The following SH3BP4 variants were observed in gnomAD, a reference collection of about 807,000 sequenced individuals.
SH3BP4 encodes SH3 domain binding protein 4, also known as SH3 domain-binding protein 4.
In SH3BP4, 33 loss-of-function variants were observed where a neutral mutation model predicts 65.5. The observed-to-expected ratio is 0.50, with a 90% CI of 0.38 to 0.67. The LOEUF (loss-of-function observed/expected upper bound fraction) is 0.67. SH3BP4 is among the 30% of genes least tolerant of loss of function. The pLI is 0.00. For synonymous variants in SH3BP4, 552 were observed against 545.5 expected, an observed-to-expected ratio of 1.01 and a Z score of -0.17; for missense variants, 1,134 against 1,261.4, an observed-to-expected ratio of 0.90 and a Z score of 1.53.
intron 2 of SH3BP4, among the ~76,000 whole-genome samples, chr2:235,008,857 A>G (rs1694385010): frequency 6.6e-6 from 1 of 152,206 alleles, no homozygotes; most frequent in South Asian, 2.1e-4. Context: ...TTTGCTTTAA[A>G]AAAGAAAGCA....
chr2:234,990,292 C>T (rs1693708712), intron 1 of SH3BP4, among the ~76,000 whole-genome samples: 1 of 152,208 alleles, frequency 6.6e-6, no homozygotes, highest in Non-Finnish European at 1.5e-5. Context: ...CCCCAGTCAT[C>T]CAGCTGTCGG....
At chr2:235,037,551 G>C (rs1361678945) in intron 3 of SH3BP4, among the ~76,000 whole-genome samples, 1 of 152,176 alleles carries the variant, frequency 6.6e-6, no homozygotes, top group East Asian at 1.9e-4. Context: ...ATTCTTGATT[G>C]CTTTGGTTTC....
intron 2 of SH3BP4, among the ~76,000 whole-genome samples, chr2:235,014,416 G>A (rs1478966006): frequency 6.6e-6 from 1 of 152,196 alleles, no homozygotes; most frequent in Non-Finnish European, 1.5e-5. Context: ...TGGCATTGGG[G>A]GAAATGAGTT....
intron 4 of SH3BP4, among the ~76,000 whole-genome samples, chr2:235,049,919 C>T (rs1448436902): frequency 2.0e-5 from 3 of 151,806 alleles, no homozygotes; most frequent in Non-Finnish European, 4.4e-5. Flanking sequence ...AGATGCCTTG[C>T]GGCCCACACA....
chr2:234,983,304 A>G (rs762132877), intron 1 of SH3BP4: 1 of 152,256 alleles, frequency 6.6e-6, no homozygotes, highest in Non-Finnish European at 1.5e-5. Context: ...TGGGTACTCT[A>G]TAAATCATCC....
intron 1 of SH3BP4, among the ~76,000 whole-genome samples, chr2:234,990,335 G>A (rs1394156401): frequency 1.3e-5 from 2 of 152,150 alleles, no homozygotes; most frequent in Non-Finnish European, 2.9e-5. Context: ...TCTGGCCGAT[G>A]GCTCCATTGA....
At chr2:235,013,096 A>C (rs148697477) in intron 2 of SH3BP4, among the ~76,000 whole-genome samples, 28 of 152,354 alleles carry the variant, frequency 1.8e-4, no homozygotes, top group Non-Finnish European at 3.7e-4. Flanking sequence ...GTCTTTTCCC[A>C]GAATGAATCT....
intron 2 of SH3BP4, among the ~76,000 whole-genome samples, chr2:235,010,927 T>C (rs1256494540): frequency 3.2e-5 from 4 of 125,122 alleles, no homozygotes; most frequent in Non-Finnish European, 5.0e-5. Context: ...TCCTCCCTCT[T>C]CTAGGAGAAC....
At chr2:235,004,714 C>T (rs1188128329) in intron 2 of SH3BP4, among the ~76,000 whole-genome samples, 1 of 152,198 alleles carries the variant, frequency 6.6e-6, no homozygotes, top group South Asian at 2.1e-4. Flanking sequence ...AATCCCATTC[C>T]TTTTTATGGC....
At position 234,977,716 on chromosome 2, in the gene SH3BP4, C is replaced by T. The variant is rs1397215331; in HGVS notation, c.-206-17587C>T. 1.3e-5 allele frequency among the ~76,000 whole-genome samples: 2 copies of T among 152,076 alleles called. No individual in the cohort carries two copies. Among genetic ancestry groups the T allele is most frequent in the African/African-American group, 2.4e-5 (1 of 41,404 alleles). ...CACAGCCACACCGAGGCACCTGCTCCGTAGATGATTTTTTTTTGCTTATGC... is the reference window on the plus strand; with the variant it reads ...CACAGCCACACCGAGGCACCTGCTCTGTAGATGATTTTTTTTTGCTTATGC... On this transcript the variant is annotated intron_variant, in intron 1 of 5. Transcript: ENST00000392011. This position sits in a 1 kb window ranked among gnomAD's most constrained non-coding sequence, Gnocchi z 5.1.
intron 2 of SH3BP4, among the ~76,000 whole-genome samples, chr2:234,999,057 G>A (rs998331578): frequency 1.3e-5 from 2 of 152,204 alleles, no homozygotes; most frequent in Admixed American, 6.5e-5. Context: ...GACAACGTCC[G>A]CAGGGCCTCA....
At chr2:235,003,989 G>T (rs1450070949) in intron 2 of SH3BP4, among the ~76,000 whole-genome samples, 1 of 152,148 alleles carries the variant, frequency 6.6e-6, no homozygotes, top group Non-Finnish European at 1.5e-5. Flanking sequence ...AGGCTTTGGG[G>T]CTCCCCGTTA....
intron 4 of SH3BP4, among the ~76,000 whole-genome samples, chr2:235,043,782 A>G (rs892495880): frequency 6.6e-6 from 1 of 152,166 alleles, no homozygotes; most frequent in Admixed American, 6.5e-5. Context: ...GTAAGTCACC[A>G]GGACAGTGTC....
rs1693169041 is a variant in SH3BP4, at chr2:234,976,422, G to GGGTGACA, written c.-206-18878_-206-18872dup. On this transcript the variant is annotated intron_variant, in intron 1 of 5. Coordinates refer to ENST00000392011, the MANE Select transcript of SH3BP4 (RefSeq NM_014521.3). The surrounding 1 kb of genome is among the most constrained non-coding windows in gnomAD (Gnocchi z 4.7). Reference sequence around the variant, plus strand: ...TGAGTAGTTAAGTTAGATCCTTAGGGGGTGACAGGGCCGGTGTGTACCAGG... The same window carrying GGGTGACA: ...TGAGTAGTTAAGTTAGATCCTTAGGGGGTGACAGGTGACAGGGCCGGTGTGTACCAGG... 1.3e-5 allele frequency among the ~76,000 whole-genome samples: 2 copies of GGGTGACA among 152,280 alleles called. No homozygotes were observed. Among genetic ancestry groups the GGGTGACA allele is most frequent in the South Asian group, 4.1e-4 (2 of 4,826 alleles).
In SH3BP4 at chr2:235,053,862, T is replaced by C; in HGVS notation, c.*46T>C. 7.0e-7 allele frequency: 1 copy of C among 1,419,516 alleles called. No individual in the cohort carries two copies. Among genetic ancestry groups the C allele is most frequent in the Non-Finnish European group, 1.0e-6 (1 of 1,004,740 alleles). The allele number at this position is 1,419,516 out of a possible 1,614,324, so 87.9% of individuals were successfully genotyped here. A position where few individuals can be genotyped will look rare whatever the true frequency, so the allele number is the denominator to read the frequency against. ...CTGCTCTGGAGTGCAAGCCCTCTTC[T>C]GCCCTGCGTGCCCTGCTGTCACCGC... On this transcript the variant is annotated 3_prime_UTR_variant, in exon 6 of 6. Coordinates refer to ENST00000392011, the MANE Select transcript of SH3BP4 (RefSeq NM_014521.3).
intron 2 of SH3BP4, among the ~76,000 whole-genome samples, chr2:235,012,650 G>T (rs557010155): frequency 2.6e-5 from 4 of 152,218 alleles, no homozygotes; most frequent in Non-Finnish European, 5.9e-5. Context: ...TGCAGTGCCT[G>T]CAGGGTGCAA....
At chr2:234,956,908 G>A (rs1019657202) in intron 1 of SH3BP4, among the ~76,000 whole-genome samples, 1 of 152,112 alleles carries the variant, frequency 6.6e-6, no homozygotes, top group Admixed American at 6.5e-5. Context: ...CCCCTCCAAT[G>A]TAGGAGGTCC....
Position 235,034,975 on chromosome 2 carries a change from C to T in SH3BP4, c.-28C>T, listed in dbSNP as rs538277915. The stretch of plus-strand genomic sequence containing the variant: ...TGGAGGAAGAAATATGAAGCCTTAG[C>T]GGCTTTACCCGGGAAGCGAGTTTCG... On this transcript the variant is annotated 5_prime_UTR_variant, in exon 3 of 6. Coordinates refer to ENST00000392011, the MANE Select transcript of SH3BP4 (RefSeq NM_014521.3). This position sits in a 1 kb window ranked among gnomAD's most constrained non-coding sequence, Gnocchi z 6.2. 17 of 1,574,982 alleles carry T rather than the reference C, an allele frequency of 1.1e-5. No homozygotes were observed. The highest frequency in any genetic ancestry group is 4.4e-5 in the South Asian group (4 of 90,274).
intron 1 of SH3BP4, among the ~76,000 whole-genome samples, chr2:234,992,409 TG>T (rs1693773347): frequency 6.6e-6 from 1 of 152,146 alleles, no homozygotes; most frequent in South Asian, 2.1e-4. Context: ...TGAAGTGAGC[TG>T]GGGGAGGAGT....
Sources: gnomAD v4.1 joint callset for allele counts (sites outside exome capture counted in the v4.1 genomes callset) on GRCh38, gnomAD v4.1.1 for gene constraint, Gnocchi (gnomAD v3.1) non-coding constraint, MANE v1.5 for transcripts, NCBI Gene and HGNC (gene_info 2026-07-23, HGNC 2026-07-21) for gene names.